Variants in PAXX observed in about 807,000 individuals in gnomAD.
PAXX encodes the protein protein PAXX.
In PAXX, 27 loss-of-function variants were observed where a neutral mutation model predicts 25.6. The observed-to-expected ratio is 1.06, with a 90% CI of 0.78 to 1.46. The LOEUF (loss-of-function observed/expected upper bound fraction) is 1.46, where lower values mean the gene tolerates loss of function less well. Among genes scored for constraint, PAXX ranks in the 40% most tolerant of loss-of-function variants. PAXX has a pLI of 0.00. For missense variants in PAXX, 295 were observed against 280.2 expected (o/e 1.05, Z -0.38); for synonymous variants, 126 against 125.7 (o/e 1.00, Z -0.02).
Position 136,993,155 on chromosome 9 carries a change from G to A in PAXX, c.333G>A (p.Lys111=). 1.3e-6 allele frequency: 2 copies of A among 1,579,196 alleles called. No homozygotes were observed. Among genetic ancestry groups the A allele is most frequent in the Non-Finnish European group, 8.6e-7 (1 of 1,163,288 alleles). ...GPSALAFDLS[K]VPGPEAAPRL... ...CGGCACTGGCCTTTGACCTCTCCAA[G>A]GTACCAGGCCCAGAGGCAGCCCCCA... The change falls in exon 4 of 7, where the codon AAG becomes AAA. Residue 111 remains lysine (K), a synonymous_variant. Transcript: ENST00000371620.
chr9:136,993,075 G>A lies in PAXX; in HGVS notation c.253G>A (p.Val85Met), dbSNP rs976191401. The change falls in exon 4 of 7, where the codon GTG (valine) becomes ATG (methionine). Residue 85 changes from valine to methionine, a missense_variant. Val to Met is a conservative substitution (Grantham distance 21, BLOSUM62 1). Coordinates refer to ENST00000371620, the MANE Select transcript of PAXX (RefSeq NM_183241.3). ...RFRAACEQQA[V>M]ALTLQEDRAS... The stretch of plus-strand genomic sequence containing the variant: ...CAGGGCAGCCTGTGAGCAGCAAGCT[G>A]TGGCTCTGACTCTGCAGGAGGACAG... 2.5e-6 allele frequency: 4 copies of A among 1,611,538 alleles called. No homozygotes were observed. In the African/African-American group the frequency reaches 5.3e-5, roughly 22 times the overall value.
Position 136,992,632 on chromosome 9 carries a change from TC to T in PAXX, c.120-3del. On this transcript the variant is annotated splice_region_variant and splice_polypyrimidine_tract_variant and intron_variant, in intron 1 of 6. Coordinates refer to ENST00000371620, the MANE Select transcript of PAXX (RefSeq NM_183241.3). ...GGGCGGCCCCGCCTGACAGGCCTTC[TC>T]CCCCAGCGTGACCGACGCCGCGGAG... The T allele has an allele frequency of 6.5e-7, 1 of 1,540,590 alleles. No homozygotes were observed.
chr9:136,993,952 C>A lies in PAXX; in HGVS notation c.*147C>A. On this transcript the variant is annotated 3_prime_UTR_variant, in exon 7 of 7. Transcript: ENST00000371620. ...ACGGCTCCTCAAATTCCTTCCCTGT[C>A]AAATAAACAGCTCCCTTGGTTGGAG... The A allele has an allele frequency of 1.3e-6, 1 of 762,142 alleles. No individual in the cohort carries two copies. The highest frequency in any genetic ancestry group is 2.3e-5 in the Admixed American group (1 of 44,012). 47.2% of individuals were successfully genotyped at this position (762,142 alleles called of 1,614,324 possible). A position where few individuals can be genotyped will look rare whatever the true frequency, so the allele number is the denominator to read the frequency against.
rs749598349 is a variant in PAXX at position 136,992,466 on chromosome 9, T to A, written c.23T>A (p.Leu8His). The A allele has an allele frequency of 3.8e-4, 516 of 1,369,076 alleles. No individual in the cohort carries two copies. Among genetic ancestry groups the A allele is most frequent in the Middle Eastern group, 1.1e-3 (4 of 3,804 alleles). The allele number at this position is 1,369,076 out of a possible 1,614,324, so 84.8% of individuals were successfully genotyped here. ...GCCATGGATCCGCTGTCGCCGCCGC[T>A]CTGCACGCTGCCGCCGGGCCCCGAG... MDPLSPP[L>H]CTLPPGPEPP... Residue 8 changes from leucine (L) to histidine (H), a missense_variant, in exon 1 of 7, where the codon CTC becomes CAC. By Grantham distance (99) the Leu-to-His change is moderately conservative. Transcript: ENST00000371620.
In PAXX at chr9:136,992,436, C is replaced by A. The variant is rs932466668; in HGVS notation, c.-8C>A. ...CCCGCCCCGCCGGGTTCCCGCTCGC[C>A]CGGCGCCATGGATCCGCTGTCGCCG... is the stretch of plus-strand genomic sequence containing the variant. On this transcript the variant is annotated 5_prime_UTR_variant, in exon 1 of 7. Coordinates refer to ENST00000371620, the MANE Select transcript of PAXX (RefSeq NM_183241.3). 7.6e-5 allele frequency: 92 copies of A among 1,207,826 alleles called. No individual in the cohort carries two copies. Among genetic ancestry groups the A allele is most frequent in the Non-Finnish European group, 9.4e-5 (87 of 922,384 alleles). The allele number at this position is 1,207,826 out of a possible 1,614,324, so 74.8% of individuals were successfully genotyped here.
Position 136,992,627 on chromosome 9 carries a change from CCTT to C in PAXX, c.120-10_120-8del. 6.5e-7 allele frequency: 1 copy of C among 1,540,766 alleles called. No homozygotes were observed. The highest frequency in any genetic ancestry group is 1.2e-5 in the South Asian group (1 of 83,952). On this transcript the variant is annotated splice_polypyrimidine_tract_variant and intron_variant, in intron 1 of 6. Transcript: ENST00000371620. The stretch of plus-strand genomic sequence containing the variant: ...TCCGCGGGCGGCCCCGCCTGACAGG[CCTT>C]CTCCCCCAGCGTGACCGACGCCGCG...
At position 136,993,398 on chromosome 9, in the gene PAXX, G is replaced by C. The variant is rs1450726210; in HGVS notation, c.477G>C (p.Gln159His). The C allele has an allele frequency of 2.5e-6, 4 of 1,606,508 alleles. No individual in the cohort carries two copies. In the South Asian group the frequency reaches 3.3e-5, roughly 13 times the overall value. Reference sequence around the variant, plus strand: ...AGAGCCCCCGGCCTGCAGGGCCTCAGCTCTTCTTACCAGGTAAGGCATGTC... The same window carrying C: ...AGAGCCCCCGGCCTGCAGGGCCTCACCTCTTCTTACCAGGTAAGGCATGTC... ...PRKSPRPAGP[Q>H]LFLPDPDPQR... The change falls in exon 5 of 7, where the codon CAG becomes CAC. Residue 159 changes from glutamine to histidine, a missense_variant. Physicochemically the swap from Gln to His is conservative, Grantham distance 24. Coordinates refer to ENST00000371620, the MANE Select transcript of PAXX (RefSeq NM_183241.3).
At chr9:136,992,875 A>G in intron 2 of PAXX, 50 bp from the exon 3 acceptor site, 1 of 1,612,564 alleles carries the variant, frequency 6.2e-7, no homozygotes, top group Non-Finnish European at 8.5e-7. Flanking sequence ...GGGTGCCCCC[A>G]GTGGGCCTCG....
chr9:136,992,531 G>C lies in PAXX; in HGVS notation c.88G>C (p.Gly30Arg), dbSNP rs1444606861. ...FVCYCEGEESGEGDRGGFNLY... is the reference protein window; with the variant it reads ...FVCYCEGEESREGDRGGFNLY... ...GTGCTACTGCGAAGGGGAGGAAAGCGGGGAGGGGGACCGCGGCGGCTTCAA... is the reference window on the plus strand; with the variant it reads ...GTGCTACTGCGAAGGGGAGGAAAGCCGGGAGGGGGACCGCGGCGGCTTCAA... The change falls in exon 1 of 7, where the codon GGG becomes CGG. Residue 30 changes from glycine to arginine, a missense_variant. By Grantham distance (125) the Gly-to-Arg change is moderately radical (BLOSUM62 -2). Transcript: ENST00000371620. The C allele has an allele frequency of 6.9e-7, 1 of 1,457,730 alleles. No individual in the cohort carries two copies. Among genetic ancestry groups the C allele is most frequent in the Non-Finnish European group, 9.1e-7 (1 of 1,099,550 alleles). The allele number at this position is 1,457,730 out of a possible 1,614,324, so 90.3% of individuals were successfully genotyped here.
intron 2 of PAXX, 68 bp downstream of exon 2, chr9:136,992,768 C>T: frequency 6.4e-7 from 1 of 1,566,434 alleles, no homozygotes; most frequent in Non-Finnish European, 8.6e-7. Flanking sequence ...TATGGGGCGA[C>T]AGACATCTGG....
At position 136,993,918 on chromosome 9, in the gene PAXX, A is replaced by AGGCAGGT; in HGVS notation, c.*115_*116insCAGGTGG. ...CACCTCCACCTGCCTGTCCTGGGCCAGGACTAACACGGCTCCTCAAATTCC... is the reference window on the plus strand; with the variant it reads ...CACCTCCACCTGCCTGTCCTGGGCCAGGCAGGTGGACTAACACGGCTCCTCAAATTCC... On this transcript the variant is annotated 3_prime_UTR_variant, in exon 7 of 7. Coordinates refer to ENST00000371620, the MANE Select transcript of PAXX (RefSeq NM_183241.3). 9.5e-7 allele frequency: 1 copy of AGGCAGGT among 1,052,388 alleles called. No individual in the cohort carries two copies. The highest frequency in any genetic ancestry group is 1.4e-6 in the Non-Finnish European group (1 of 705,148). The allele number at this position is 1,052,388 out of a possible 1,614,324, so 65.2% of individuals were successfully genotyped here.
intron 3 of PAXX, 28 bp downstream of exon 3, chr9:136,993,002 G>C: frequency 6.2e-7 from 1 of 1,613,334 alleles, no homozygotes; most frequent in Non-Finnish European, 8.5e-7. Context: ...AGGAAGGACG[G>C]GTGGGGAGGA....
Position 136,993,399 on chromosome 9 carries a change from C to T in PAXX, c.478C>T (p.Leu160Phe), listed in dbSNP as rs1830631283. The T allele has an allele frequency of 1.9e-6, 3 of 1,606,202 alleles. No individual in the cohort carries two copies. Among genetic ancestry groups the T allele is most frequent in the Non-Finnish European group, 2.6e-6 (3 of 1,176,226 alleles). ...GAGCCCCCGGCCTGCAGGGCCTCAG[C>T]TCTTCTTACCAGGTAAGGCATGTCC... is the stretch of plus-strand genomic sequence containing the variant. ...RKSPRPAGPQLFLPDPDPQRG... is the reference protein window; with the variant it reads ...RKSPRPAGPQFFLPDPDPQRG... The change falls in exon 5 of 7, where the codon CTC (leucine) becomes TTC (phenylalanine). Residue 160 changes from leucine to phenylalanine, a missense_variant. Physicochemically the swap from Leu to Phe is conservative, Grantham distance 22 (BLOSUM62 0). Transcript: ENST00000371620.
At chr9:136,992,868 T>A in intron 2 of PAXX, 57 bp from the exon 3 acceptor site, 1 of 1,611,890 alleles carries the variant, frequency 6.2e-7, no homozygotes, top group Admixed American at 1.7e-5. Context: ...AGGTTTCGGG[T>A]GCCCCCAGTG....
chr9:136,993,889 C>A lies in PAXX; in HGVS notation c.*84C>A. ...TGAGGCCCCCATCAGAGACCCCCCG[C>A]CACCACCTCCACCTGCCTGTCCTGG... On this transcript the variant is annotated 3_prime_UTR_variant, in exon 7 of 7. Coordinates refer to ENST00000371620, the MANE Select transcript of PAXX (RefSeq NM_183241.3). 7.7e-7 allele frequency: 1 copy of A among 1,303,818 alleles called. No homozygotes were observed. The highest frequency in any genetic ancestry group is 1.2e-5 in the South Asian group (1 of 81,016). 80.8% of individuals were successfully genotyped at this position (1,303,818 alleles called of 1,614,324 possible). A position where few individuals can be genotyped will look rare whatever the true frequency, so the allele number is the denominator to read the frequency against.
Position 136,993,683 on chromosome 9 carries a change from C to T in PAXX, c.575+19C>T, listed in dbSNP as rs114273084. 2.4e-3 allele frequency: 3,902 copies of T among 1,613,714 alleles called. 89 individuals are homozygous for T. The African/African-American group carries it at 0.044, about 18-fold the overall frequency. The stretch of plus-strand genomic sequence containing the variant: ...TCAAGAGGTACCCTCCCACAGCCCC[C>T]TTCCTGCGCCCAGGGTCCAATCCTG... On this transcript the variant is annotated intron_variant, in intron 6 of 6. Coordinates refer to ENST00000371620, the MANE Select transcript of PAXX (RefSeq NM_183241.3).
intron 5 of PAXX, 61 bp downstream of exon 5, chr9:136,993,472 C>T (rs1830633995): frequency 5.0e-6 from 8 of 1,592,924 alleles, no homozygotes; most frequent in African/African-American, 2.7e-5. Flanking sequence ...AACTCAGTTT[C>T]CCCCCAAACA....
chr9:136,993,190 C>A lies in PAXX; in HGVS notation c.368C>A (p.Ala123Glu). The A allele has an allele frequency of 6.5e-7, 1 of 1,545,818 alleles. No individual in the cohort carries two copies. Among genetic ancestry groups the A allele is most frequent in the South Asian group, 1.2e-5 (1 of 81,664 alleles). Residue 123 changes from alanine (A) to glutamate (E), a missense_variant, in exon 4 of 7, where the codon GCG (alanine) becomes GAG (glutamate). Ala to Glu is a moderately radical substitution (Grantham distance 107). Coordinates refer to ENST00000371620, the MANE Select transcript of PAXX (RefSeq NM_183241.3). ...PGPEAAPRLR[A>E]LTLGLAKRVW... ...CCAGAGGCAGCCCCCAGGCTGCGGG[C>A]GCTGACACTGGGCCTGGCAAAACGC...
intron 6 of PAXX, 37 bp downstream of exon 6, chr9:136,993,701 C>T: frequency 1.2e-6 from 2 of 1,613,042 alleles, no homozygotes; most frequent in South Asian, 1.1e-5. Flanking sequence ...GCCCAGGGTC[C>T]AATCCTGGAC....
Sources: allele counts gnomAD v4.1 joint callset, GRCh38; gene constraint gnomAD v4.1.1; transcripts MANE v1.5; gene names NCBI Gene and HGNC (gene_info 2026-07-23, HGNC 2026-07-21).